The following KDM6B variants were observed in gnomAD, a reference collection of about 807,000 sequenced individuals.
KDM6B encodes the protein lysine-specific demethylase 6B.
Under a neutral mutation model 150.4 loss-of-function variants are expected in KDM6B, and 22 were observed. The ratio of observed to expected loss-of-function variants is 0.15; its 90% CI spans 0.10 to 0.21. KDM6B has a LOEUF of 0.21. Ranked by LOEUF, KDM6B falls within the 10% of genes least tolerant of loss-of-function variation. The probability of loss-of-function intolerance (pLI) is 1.00; values close to 1 mark genes in which losing one functional copy is unlikely to be tolerated. For missense variants in KDM6B, 1,984 were observed against 2,234.3 expected (o/e 0.89, Z 2.26); for synonymous variants, 1,148 against 921.1 (o/e 1.25, Z -4.46).
At chr17:7,842,842 G>C (rs2078445174) in intron 2 of KDM6B, among the ~76,000 whole-genome samples, 2 of 150,532 alleles carry the variant, frequency 1.3e-5, no homozygotes, top group South Asian at 2.1e-4. Context: ...GCCTGAATCA[G>C]ACCCCGAGGG....
chr17:7,842,975 T>C (rs920381323), intron 2 of KDM6B, among the ~76,000 whole-genome samples: 28 of 152,046 alleles, frequency 1.8e-4, no homozygotes, highest in African/African-American at 6.8e-4. Flanking sequence ...AAGTTTTGTC[T>C]TCAAGTGAGG....
intron 1 of KDM6B, among the ~76,000 whole-genome samples, chr17:7,835,515 G>A (rs1229548206): frequency 6.6e-6 from 1 of 152,082 alleles, no homozygotes; most frequent in African/African-American, 2.4e-5. Flanking sequence ...CCCTCCCCTG[G>A]GTTGCTTGTC....
rs1250990962 is a variant in KDM6B, at chr17:7,853,948, C to T, written c.*427C>T. On this transcript the variant is annotated 3_prime_UTR_variant, in exon 24 of 24. Transcript: ENST00000448097. Reference sequence around the variant, plus strand: ...GCCGAGGTTTTTAATGAGATTCTTTCTATGGGCTTTACCCCTCCCCCGGAA... The same window carrying T: ...GCCGAGGTTTTTAATGAGATTCTTTTTATGGGCTTTACCCCTCCCCCGGAA... The T allele has an allele frequency of 3.8e-5, 6 of 158,680 alleles. No individual in the cohort carries two copies. The highest frequency in any genetic ancestry group is 1.4e-4 in the African/African-American group (6 of 41,700). 9.8% of individuals were successfully genotyped at this position (158,680 alleles called of 1,614,324 possible).
chr17:7,845,416 C>G lies in KDM6B; in HGVS notation c.-46C>G. Reference sequence around the variant, plus strand: ...GTCCCAGAGAGCTGGGGCAGGGGGCCGTGCCCAATCTCCAGGGCTCCTGGG... The same window carrying G: ...GTCCCAGAGAGCTGGGGCAGGGGGCGGTGCCCAATCTCCAGGGCTCCTGGG... On this transcript the variant is annotated 5_prime_UTR_variant, in exon 4 of 24. Coordinates refer to ENST00000448097, the MANE Select transcript of KDM6B (RefSeq NM_001348716.2). The G allele has an allele frequency of 1.9e-6, 2 of 1,062,512 alleles. No homozygotes were observed. Among genetic ancestry groups the G allele is most frequent in the Non-Finnish European group, 2.9e-6 (2 of 682,948 alleles). 65.8% of individuals were successfully genotyped at this position (1,062,512 alleles called of 1,614,324 possible).
At chr17:7,851,878 GGCA>G in intron 18 of KDM6B, 70 bp from the exon 19 acceptor site, 3 of 1,587,920 alleles carry the variant, frequency 1.9e-6, no homozygotes, top group Non-Finnish European at 2.6e-6. Flanking sequence ...AGCCAATGAG[GGCA>G]GAGGGCGGGG....
intron 2 of KDM6B, chr17:7,840,260 A>G (rs1390938150): frequency 2.0e-5 from 3 of 152,204 alleles, no homozygotes; most frequent in African/African-American, 7.2e-5. Context: ...CTACCAAAAA[A>G]TCTTTTCCCC....
At chr17:7,839,193 C>G (rs959971232) in intron 1 of KDM6B, among the ~76,000 whole-genome samples, 6 of 152,160 alleles carry the variant, frequency 3.9e-5, no homozygotes, top group African/African-American at 1.4e-4. Context: ...TGCTAAAAGA[C>G]CTAGCTTCTT....
At chr17:7,836,705 AG>A in intron 1 of KDM6B, among the ~76,000 whole-genome samples, 1 of 152,374 alleles carries the variant, frequency 6.6e-6, no homozygotes, top group South Asian at 2.1e-4. Flanking sequence ...GAGTCGTATT[AG>A]GGGTAAAAGA....
At chr17:7,845,517 C>A in intron 4 of KDM6B, 33 bp from the exon 5 acceptor site, 1 of 1,613,814 alleles carries the variant, frequency 6.2e-7, no homozygotes, top group Non-Finnish European at 8.5e-7. Flanking sequence ...GTTTTGCCTC[C>A]AGTAAGAGCA....
Position 7,847,747 on chromosome 17 carries a change from A to C in KDM6B, c.1459A>C (p.Lys487Gln). 4.7e-6 allele frequency: 6 copies of C among 1,289,136 alleles called. No homozygotes were observed. The highest frequency in any genetic ancestry group is 6.1e-6 in the Non-Finnish European group (6 of 990,446). The allele number at this position is 1,289,136 out of a possible 1,614,324, so 79.9% of individuals were successfully genotyped here. A position where few individuals can be genotyped will look rare whatever the true frequency, so the allele number is the denominator to read the frequency against. Residue 487 changes from lysine to glutamine, a missense_variant, in exon 12 of 24, where the codon AAG becomes CAG. Transcript: ENST00000448097. The part of the protein sequence containing the change: ...LRPPPPPAWL[K>Q]GPACRAARED... ...CCCCCCACCACCCCCTGCCTGGTTGAAGGGTCCGGCCTGCCGGGCAGCCCG... is the reference window on the plus strand; with the variant it reads ...CCCCCCACCACCCCCTGCCTGGTTGCAGGGTCCGGCCTGCCGGGCAGCCCG...
In KDM6B at chr17:7,848,838, C is replaced by G. The variant is rs2078625549; in HGVS notation, c.2550C>G (p.Pro850=). ...CATCAGGTGCTACCGCCCTGCCGCC[C>G]ACCTCAGCGGCCCCTAGCGCCCAGG... The part of the protein sequence containing the change: ...GPPSGATALP[P]TSAAPSAQGS... Residue 850 remains proline, a synonymous_variant, in exon 12 of 24, where the codon CCC becomes CCG. Coordinates refer to ENST00000448097, the MANE Select transcript of KDM6B (RefSeq NM_001348716.2). 3 of 1,612,500 alleles carry G rather than the reference C, an allele frequency of 1.9e-6. No individual in the cohort carries two copies. Among genetic ancestry groups the G allele is most frequent in the South Asian group, 2.2e-5 (2 of 91,064 alleles).
chr17:7,841,376 G>A (rs930372007), intron 2 of KDM6B, among the ~76,000 whole-genome samples: 6 of 152,210 alleles, frequency 3.9e-5, no homozygotes, highest in Non-Finnish European at 7.3e-5. Context: ...GGATCGAGAG[G>A]AGTGTAGCAA....
chr17:7,852,660 GC>G, intron 21 of KDM6B, 24 bp downstream of exon 21: 9 of 1,613,732 alleles, frequency 5.6e-6, no homozygotes, highest in Non-Finnish European at 7.6e-6. Context: ...TTGGGTGGGA[GC>G]CCACCTCCAC....
chr17:7,846,370 T>TGGGGGGGGGGGGGGG, intron 7 of KDM6B, 30 bp from the exon 8 acceptor site: 1 of 1,501,962 alleles, frequency 6.7e-7, no homozygotes, highest in Non-Finnish European at 9.1e-7. Context: ...ACCTGACATC[T>TGGGGGGGGGGGGGGG]GCCCCTGCCC....
rs377728210 is a variant in KDM6B, at chr17:7,849,808, T to C, written c.3441-13T>C. 1 of 1,612,802 alleles carries C rather than the reference T, an allele frequency of 6.2e-7. No individual in the cohort carries two copies. The highest frequency in any genetic ancestry group is 1.3e-5 in the African/African-American group (1 of 74,906). The stretch of plus-strand genomic sequence containing the variant: ...CCTGATGTTTCTGTCTTCATTCCAC[T>C]GTCCTCCCGCAGGAATGCCAAGGTG... On this transcript the variant is annotated splice_polypyrimidine_tract_variant and intron_variant, in intron 12 of 23. Coordinates refer to ENST00000448097, the MANE Select transcript of KDM6B (RefSeq NM_001348716.2).
At position 7,851,392 on chromosome 17, in the gene KDM6B, T is replaced by C. The variant is rs1567801876; in HGVS notation, c.3942T>C (p.Pro1314=). The stretch of plus-strand genomic sequence containing the variant: ...CAGACAGCACCACTGGAACCCCTCC[T>C]AGGTACTGTGCAGGTGTGCCCCTTC... ...EEPDSTTGTP[P]SSAPDPKNHH... The change falls in exon 16 of 24, where the codon CCT becomes CCC. Residue 1314 remains proline (P), a splice_region_variant and synonymous_variant. Coordinates refer to ENST00000448097, the MANE Select transcript of KDM6B (RefSeq NM_001348716.2). The C allele has an allele frequency of 6.2e-7, 1 of 1,614,150 alleles. No homozygotes were observed. Among genetic ancestry groups the C allele is most frequent in the Admixed American group, 1.7e-5 (1 of 60,026 alleles).
At chr17:7,850,215 A>G (rs2078663792) in intron 14 of KDM6B, 38 bp downstream of exon 14, 4 of 1,552,368 alleles carry the variant, frequency 2.6e-6, no homozygotes, top group African/African-American at 1.4e-5. Context: ...GGAGGGCTAC[A>G]AGGGTCTGGG....
chr17:7,838,643 G>T (rs1326545752), intron 1 of KDM6B, among the ~76,000 whole-genome samples: 1 of 119,002 alleles, frequency 8.4e-6, no homozygotes, highest in Non-Finnish European at 1.7e-5. Flanking sequence ...TCCTCCTCTT[G>T]GTCTGTCCTA....
Position 7,846,637 on chromosome 17 carries a change from C to G in KDM6B, c.608C>G (p.Pro203Arg), listed in dbSNP as rs951759379. Residue 203 changes from proline (P) to arginine (R), a missense_variant, in exon 9 of 24, where the codon CCC becomes CGC. Physicochemically the swap from Pro to Arg is moderately radical, Grantham distance 103 (BLOSUM62 -2). Transcript: ENST00000448097. ...GGPPVKRAAEPPVVQPVPPAA... is the reference protein window; with the variant it reads ...GGPPVKRAAERPVVQPVPPAA... The stretch of plus-strand genomic sequence containing the variant: ...CCCCCGGTGAAGCGAGCTGCTGAAC[C>G]CCCAGTGGTGCAGCCTGTGCCTCCT... The G allele has an allele frequency of 1.2e-6, 2 of 1,613,990 alleles. No homozygotes were observed. Among genetic ancestry groups the G allele is most frequent in the Non-Finnish European group, 1.7e-6 (2 of 1,180,006 alleles).
Sources: allele counts gnomAD v4.1 joint callset (sites outside exome capture counted in the v4.1 genomes callset), GRCh38; gene constraint gnomAD v4.1.1; transcripts MANE v1.5; gene names NCBI Gene and HGNC (gene_info 2026-07-23, HGNC 2026-07-21).